CACNA2D1: variants seen among roughly 807,000 people sequenced by gnomAD.
CACNA2D1 encodes calcium voltage-gated channel auxiliary subunit alpha2delta 1, also known as voltage-dependent calcium channel subunit alpha-2/delta-1.
Under a neutral mutation model 171.5 loss-of-function variants are expected in CACNA2D1, and 53 were observed. That is an observed-to-expected ratio of 0.31 (90% CI 0.25 to 0.39). The LOEUF is 0.39. Ranked by LOEUF, CACNA2D1 falls within the 10% of genes least tolerant of loss-of-function variation. The probability of loss-of-function intolerance (pLI) is 1.00; values close to 1 mark genes in which losing one functional copy is unlikely to be tolerated. For missense variants in CACNA2D1, 903 were observed against 1,299.8 expected (o/e 0.69, Z 4.69); for synonymous variants, 442 against 443.1 (o/e 1.00, Z 0.03).
rs17155991 is a variant in CACNA2D1 at position 82,177,390 on chromosome 7, T to C, written c.295-6781A>G. 7.3e-3 allele frequency among the ~76,000 whole-genome samples: 1,105 copies of C among 152,140 alleles called. 8 individuals are homozygous for C. The highest frequency in any genetic ancestry group is 0.039 in the South Asian group (187 of 4,830). On this transcript the variant is annotated intron_variant, in intron 3 of 38. Coordinates refer to ENST00000356860, the MANE Select transcript of CACNA2D1 (RefSeq NM_000722.4). ...CTGATATTGGTATTGTTGATTCTCC[T>C]TGCTAATAGGCTACATGCAAAGAGA...
Position 82,351,252 on chromosome 7 carries a change from A to T in CACNA2D1, c.96-1603T>A, listed in dbSNP as rs953371231. On this transcript the variant is annotated intron_variant, in intron 1 of 38. Coordinates refer to ENST00000356860, the MANE Select transcript of CACNA2D1 (RefSeq NM_000722.4). Reference sequence around the variant, plus strand: ...AAGAATTCCAGTAGTATAAATATAAATTTTTTAAAATATAAATGTAAGTAG... The same window carrying T: ...AAGAATTCCAGTAGTATAAATATAATTTTTTTAAAATATAAATGTAAGTAG... Among the ~76,000 whole-genome samples the T allele has an allele frequency of 2.6e-5, 4 of 151,566 alleles. No homozygotes were observed. In the East Asian group the frequency reaches 7.7e-4, roughly 29 times the overall value.
intron 6 of CACNA2D1, 82 bp downstream of exon 6, chr7:82,116,959 CTCT>C (rs1789119438): frequency 6.4e-6 from 9 of 1,407,262 alleles, no homozygotes; most frequent in East Asian, 2.3e-5. Flanking sequence ...GTCACATTTG[CTCT>C]TTTTTTTCCC....
At chr7:82,023,272 TGAG>T (rs1343346153) in intron 12 of CACNA2D1, among the ~76,000 whole-genome samples, 3 of 151,950 alleles carry the variant, frequency 2.0e-5, no homozygotes, top group African/African-American at 2.4e-5. Flanking sequence ...AACAGCTGTG[TGAG>T]GAGATTAACA....
intron 9 of CACNA2D1, among the ~76,000 whole-genome samples, chr7:82,060,887 C>T (rs760434869): frequency 1.3e-5 from 2 of 152,052 alleles, no homozygotes; most frequent in Non-Finnish European, 2.9e-5. Flanking sequence ...AGTCATTGCT[C>T]CAGGGAACCC....
At chr7:82,298,635 G>A (rs754811024) in intron 3 of CACNA2D1, among the ~76,000 whole-genome samples, 8 of 151,448 alleles carry the variant, frequency 5.3e-5, no homozygotes, top group Non-Finnish European at 1.0e-4. Flanking sequence ...GAAAGCAATG[G>A]CTTTTCACAG....
At chr7:82,251,851 C>T (rs1456710838) in intron 3 of CACNA2D1, among the ~76,000 whole-genome samples, 1 of 152,174 alleles carries the variant, frequency 6.6e-6, no homozygotes, top group Non-Finnish European at 1.5e-5. Flanking sequence ...TCTGATGACA[C>T]ATCCTTAGCT....
chr7:82,386,549 A>G (rs1382336838), intron 1 of CACNA2D1, among the ~76,000 whole-genome samples: 1 of 151,948 alleles, frequency 6.6e-6, no homozygotes. Flanking sequence ...CCTGACCAAC[A>G]TGGAGAAACC....
chr7:81,955,960 C>CTA lies in CACNA2D1; in HGVS notation c.3159+3313_3159+3314dup, dbSNP rs764892530. On this transcript the variant is annotated intron_variant, in intron 38 of 38. Transcript: ENST00000356860. ...TAAAAAGATTTTAAAGTCACTGTTG[C>CTA]TATATATATATATATATATATTTTT... Among the ~76,000 whole-genome samples the CTA allele has an allele frequency of 7.0e-3, 459 of 65,768 alleles. 2 individuals are homozygous for CTA. Among genetic ancestry groups the CTA allele is most frequent in the African/African-American group, 7.9e-3 (129 of 16,294 alleles). The allele number at this position is 65,768 out of a possible 152,430, so 43.1% of individuals were successfully genotyped here.
intron 4 of CACNA2D1, among the ~76,000 whole-genome samples, chr7:82,157,754 A>G (rs968078324): frequency 6.6e-6 from 1 of 152,058 alleles, no homozygotes; most frequent in Non-Finnish European, 1.5e-5. Flanking sequence ...TACAACTTTC[A>G]TTCTGTAATC....
chr7:82,017,189 T>G (rs1353709092), intron 12 of CACNA2D1, among the ~76,000 whole-genome samples: 1 of 152,084 alleles, frequency 6.6e-6, no homozygotes, highest in East Asian at 1.9e-4. Context: ...CTTTCTATAA[T>G]GATCTTATAA....
intron 4 of CACNA2D1, among the ~76,000 whole-genome samples, chr7:82,169,322 G>T (rs73387966): frequency 0.064 from 9,764 of 151,876 alleles, 656 homozygotes; most frequent in African/African-American, 0.17. Flanking sequence ...TATGATAAAG[G>T]TTGTAGACAA....
intron 25 of CACNA2D1, among the ~76,000 whole-genome samples, chr7:81,972,929 C>A (rs1478377743): frequency 6.6e-6 from 1 of 151,880 alleles, no homozygotes; most frequent in Non-Finnish European, 1.5e-5. Context: ...CATTTTAATT[C>A]ATTCTAGACA....
rs1029117135 is a variant in CACNA2D1, at chr7:82,053,274, A to T, written c.879+7154T>A. 9.6e-3 allele frequency among the ~76,000 whole-genome samples: 1,446 copies of T among 150,782 alleles called. 27 individuals are homozygous for T. The highest frequency in any genetic ancestry group is 0.034 in the African/African-American group (1,377 of 40,836). On this transcript the variant is annotated intron_variant, in intron 10 of 38. Coordinates refer to ENST00000356860, the MANE Select transcript of CACNA2D1 (RefSeq NM_000722.4). Reference sequence around the variant, plus strand: ...CTCAAAAAAAAAAAAAAAAAATTAAATAATTACCTATCAATTATGATTAAA... The same window carrying T: ...CTCAAAAAAAAAAAAAAAAAATTAATTAATTACCTATCAATTATGATTAAA...
intron 4 of CACNA2D1, among the ~76,000 whole-genome samples, chr7:82,155,213 C>G (rs1273069987): frequency 6.6e-6 from 1 of 152,060 alleles, no homozygotes; most frequent in Non-Finnish European, 1.5e-5. Flanking sequence ...GCCAGTTAAA[C>G]CTATTTTCTT....
Position 82,284,873 on chromosome 7 carries a change from G to A in CACNA2D1, c.294+50262C>T, listed in dbSNP as rs17156082. The stretch of plus-strand genomic sequence containing the variant: ...TGTACATAAGACCCTGAGAGGTCCA[G>A]CCCTTCAGAACTTAACAAAACTCAA... On this transcript the variant is annotated intron_variant, in intron 3 of 38. Coordinates refer to ENST00000356860, the MANE Select transcript of CACNA2D1 (RefSeq NM_000722.4). Among the ~76,000 whole-genome samples the A allele has an allele frequency of 2.6e-3, 403 of 152,218 alleles. 3 individuals carry two copies. Among genetic ancestry groups the A allele is most frequent in the African/African-American group, 9.3e-3 (385 of 41,532 alleles).
chr7:82,234,328 T>C (rs1803297845), intron 3 of CACNA2D1, among the ~76,000 whole-genome samples: 1 of 152,128 alleles, frequency 6.6e-6, no homozygotes. Context: ...AGATTATTTA[T>C]AATTAAGATT....
intron 12 of CACNA2D1, chr7:82,020,789 G>A (rs1241412739): frequency 6.6e-6 from 1 of 152,106 alleles, no homozygotes; most frequent in East Asian, 1.9e-4. Flanking sequence ...GAAATTTCCT[G>A]TATTTATTGC....
chr7:82,242,969 C>A (rs568301577), intron 3 of CACNA2D1, among the ~76,000 whole-genome samples: 1 of 151,970 alleles, frequency 6.6e-6, no homozygotes, highest in East Asian at 1.9e-4. Flanking sequence ...TGTTTTAAAA[C>A]CATAAATCAG....
At chr7:82,079,691 C>CAAA (rs755722648) in intron 7 of CACNA2D1, among the ~76,000 whole-genome samples, 4 of 70,102 alleles carry the variant, frequency 5.7e-5, no homozygotes, top group Admixed American at 1.6e-4. Context: ...GACTCTGTCT[C>CAAA]AAAAAAAAAA....
Sources: allele counts gnomAD v4.1 joint callset (sites outside exome capture counted in the v4.1 genomes callset), GRCh38; gene constraint gnomAD v4.1.1; transcripts MANE v1.5; gene names NCBI Gene and HGNC (gene_info 2026-07-23, HGNC 2026-07-21).